The following TP63 variants were observed in gnomAD, a reference collection of about 807,000 sequenced individuals.
TP63 encodes tumor protein 63.
A neutral mutation model predicts 82.8 loss-of-function variants in TP63; 17 were observed. The ratio of observed to expected loss-of-function variants is 0.21; its 90% CI spans 0.14 to 0.31. TP63 has a LOEUF of 0.31. Ranked by LOEUF, TP63 falls within the 10% of genes least tolerant of loss-of-function variation. TP63 has a pLI of 1.00. For missense variants in TP63, 648 were observed against 895.3 expected (o/e 0.72, Z 3.52); for synonymous variants, 330 against 321.7 (o/e 1.03, Z -0.28).
At chr3:189,652,960 C>T (rs781058737) in intron 1 of TP63, among the ~76,000 whole-genome samples, 2 of 146,856 alleles carry the variant, frequency 1.4e-5, no homozygotes, top group Non-Finnish European at 3.0e-5. Context: ...GTCAATTAAA[C>T]CTCTTTCCTT....
chr3:189,674,865 C>G (rs947733071), intron 1 of TP63, among the ~76,000 whole-genome samples: 1 of 152,048 alleles, frequency 6.6e-6, no homozygotes, highest in East Asian at 1.9e-4. Context: ...ACTAGAAGAC[C>G]CTATGTAGCA....
At chr3:189,702,700 G>A (rs189147485) in intron 1 of TP63, among the ~76,000 whole-genome samples, 34 of 152,290 alleles carry the variant, frequency 2.2e-4, no homozygotes, top group Admixed American at 1.8e-3. Flanking sequence ...TAAATATTCA[G>A]GATTGAGCAG....
At chr3:189,850,297 C>T (rs896265841) in intron 4 of TP63, among the ~76,000 whole-genome samples, 17 of 151,986 alleles carry the variant, frequency 1.1e-4, no homozygotes, top group African/African-American at 4.1e-4. Context: ...ACCCCTTCCC[C>T]CACCGCCACC....
the TP63 span, among the ~76,000 whole-genome samples, chr3:189,621,515 TTA>T: frequency 7.2e-5 from 11 of 151,856 alleles, no homozygotes; most frequent in Admixed American, 3.3e-4. Context: ...ATAGTATATT[TTA>T]TATATAGAGA....
chr3:189,850,711 AAAACTT>A (rs1715514806), intron 4 of TP63, among the ~76,000 whole-genome samples: 1 of 152,182 alleles, frequency 6.6e-6, no homozygotes. Context: ...CATGTACCCT[AAAACTT>A]AAAGTATAAT....
intron 10 of TP63, 51 bp from the exon 11 acceptor site, chr3:189,886,343 C>T (rs758986845): frequency 2.5e-6 from 4 of 1,590,774 alleles, no homozygotes; most frequent in Non-Finnish European, 2.6e-6. Flanking sequence ...TCAATAGTCC[C>T]CACTCTTCAG....
At chr3:189,597,895 C>T in the TP63 span, among the ~76,000 whole-genome samples, 3 of 149,570 alleles carry the variant, frequency 2.0e-5, no homozygotes, top group Admixed American at 1.3e-4. Flanking sequence ...TACCACTATA[C>T]TTCAGCTTAG....
upstream of TP63, among the ~76,000 whole-genome samples, chr3:189,630,533 CATAAAGA>C (rs1477313767): frequency 6.6e-6 from 1 of 151,998 alleles, no homozygotes; most frequent in Non-Finnish European, 1.5e-5. Context: ...AACTGTAAGA[CATAAAGA>C]ATAGAGTGGA....
upstream of TP63, among the ~76,000 whole-genome samples, chr3:189,626,875 C>T (rs992175386): frequency 2.6e-5 from 4 of 152,056 alleles, no homozygotes; most frequent in Admixed American, 2.0e-4. Flanking sequence ...TTCCAACTGT[C>T]TCTTATAGTC....
intron 4 of TP63, among the ~76,000 whole-genome samples, chr3:189,816,570 G>A (rs975823977): frequency 1.3e-5 from 2 of 152,130 alleles, no homozygotes; most frequent in African/African-American, 4.8e-5. Context: ...TATATTAGCA[G>A]CAATTGGTAT....
intron 1 of TP63, among the ~76,000 whole-genome samples, chr3:189,682,969 C>G (rs1304174474): frequency 3.3e-5 from 5 of 152,142 alleles, no homozygotes; most frequent in Non-Finnish European, 7.3e-5. Flanking sequence ...ATAGGGACTT[C>G]ATTTAATATG....
intron 1 of TP63, among the ~76,000 whole-genome samples, chr3:189,694,698 G>A (rs1227421808): frequency 6.9e-6 from 1 of 144,408 alleles, no homozygotes; most frequent in Non-Finnish European, 1.5e-5. Context: ...ACCTGGCTGA[G>A]TCATGTTTGT....
At chr3:189,766,049 T>C (rs187585453) in intron 3 of TP63, among the ~76,000 whole-genome samples, 109 of 152,212 alleles carry the variant, frequency 7.2e-4, no homozygotes, top group Non-Finnish European at 1.2e-3. Context: ...TTAAGAAACA[T>C]TGGTGCACAG....
At chr3:189,863,404 A>T (rs1163694472) in intron 4 of TP63, among the ~76,000 whole-genome samples, 1 of 152,146 alleles carries the variant, frequency 6.6e-6, no homozygotes, top group Non-Finnish European at 1.5e-5. Context: ...ACAGGATGGG[A>T]TCTCTATCTG....
intron 3 of TP63, among the ~76,000 whole-genome samples, chr3:189,750,315 G>T (rs1459710709): frequency 6.6e-6 from 1 of 152,056 alleles, no homozygotes; most frequent in Non-Finnish European, 1.5e-5. Flanking sequence ...AGGCTGGGTA[G>T]GATGTGTTGT....
intron 4 of TP63, among the ~76,000 whole-genome samples, chr3:189,854,055 A>T (rs1345414532): frequency 6.6e-6 from 1 of 152,196 alleles, no homozygotes; most frequent in Admixed American, 6.5e-5. Context: ...TTAAAGTCTT[A>T]CTTCTATCTG....
intron 7 of TP63, 82 bp from the exon 8 acceptor site, chr3:189,868,498 G>A: frequency 6.3e-7 from 1 of 1,579,368 alleles, no homozygotes. Flanking sequence ...GGCCCATATG[G>A]GAAGTGGAAG....
At chr3:189,744,287 T>A (rs2108511333) in intron 3 of TP63, among the ~76,000 whole-genome samples, 1 of 152,160 alleles carries the variant, frequency 6.6e-6, no homozygotes, top group African/African-American at 2.4e-5. Flanking sequence ...AAGAACACAC[T>A]CTCAAAGCAG....
intron 4 of TP63, among the ~76,000 whole-genome samples, chr3:189,837,192 T>C (rs1713279430): frequency 6.7e-6 from 1 of 149,210 alleles, no homozygotes; most frequent in Non-Finnish European, 1.5e-5. Flanking sequence ...CTCCTGCTAC[T>C]TCCTCTGTTC....
Sources: allele counts gnomAD v4.1 joint callset (sites outside exome capture counted in the v4.1 genomes callset), GRCh38; gene constraint gnomAD v4.1.1; transcripts MANE v1.5; gene names NCBI Gene and HGNC (gene_info 2026-07-23, HGNC 2026-07-21).